SLC39A11: variants seen among roughly 807,000 people sequenced by gnomAD.
The protein encoded by SLC39A11 is solute carrier family 39 member 11.
SLC39A11 carries 33 observed loss-of-function variants against 36.1 expected under a neutral mutation model. The observed-to-expected ratio is 0.91, with a 90% CI of 0.69 to 1.22. The LOEUF (loss-of-function observed/expected upper bound fraction) is 1.22, where lower values mean the gene tolerates loss of function less well. Among genes scored for constraint, SLC39A11 ranks in the 50% most tolerant of loss-of-function variants. The pLI, the probability that SLC39A11 is intolerant of heterozygous loss-of-function variation, is 0.00. For missense variants in SLC39A11, 432 were observed against 430.3 expected (o/e 1.00, Z -0.03); for synonymous variants, 166 against 170.3 (o/e 0.97, Z 0.20).
chr17:72,951,799 G>A (rs2085882681), intron 4 of SLC39A11, among the ~76,000 whole-genome samples: 1 of 152,138 alleles, frequency 6.6e-6, no homozygotes, highest in Non-Finnish European at 1.5e-5. Flanking sequence ...TTCCTTTAGG[G>A]AAGATGCCAA....
intron 5 of SLC39A11, among the ~76,000 whole-genome samples, chr17:72,922,078 A>G (rs541581917): frequency 6.6e-6 from 1 of 152,286 alleles, no homozygotes; most frequent in East Asian, 1.9e-4. Flanking sequence ...ACACCAGCAC[A>G]CCACCTCCCA....
At chr17:72,943,300 A>T (rs1219549995) in intron 5 of SLC39A11, among the ~76,000 whole-genome samples, 1 of 152,220 alleles carries the variant, frequency 6.6e-6, no homozygotes, top group African/African-American at 2.4e-5. Context: ...AGCAGAACCA[A>T]TAAGGAATTC....
intron 5 of SLC39A11, among the ~76,000 whole-genome samples, chr17:72,884,008 A>C (rs894542562): frequency 2.0e-5 from 3 of 152,170 alleles, no homozygotes; most frequent in Non-Finnish European, 4.4e-5. Flanking sequence ...TACAAAAGTT[A>C]GCTAGGTATA....
intron 6 of SLC39A11, among the ~76,000 whole-genome samples, chr17:72,842,641 C>T (rs1363358388): frequency 6.6e-6 from 1 of 152,164 alleles, no homozygotes; most frequent in Non-Finnish European, 1.5e-5. Context: ...CTTCAAGAGA[C>T]AGTATGCTCA....
At chr17:72,979,711 C>A (rs536425005) in intron 4 of SLC39A11, among the ~76,000 whole-genome samples, 4 of 152,146 alleles carry the variant, frequency 2.6e-5, no homozygotes, top group Non-Finnish European at 5.9e-5. Context: ...ACTAACCCAC[C>A]TCCCTCCAAC....
intron 7 of SLC39A11, among the ~76,000 whole-genome samples, chr17:72,672,211 G>A (rs900039911): frequency 6.6e-6 from 1 of 152,246 alleles, no homozygotes; most frequent in African/African-American, 2.4e-5. Flanking sequence ...CACTCTGGGA[G>A]GCTGAGGTGG....
chr17:72,663,331 T>A (rs2070563148), intron 7 of SLC39A11, among the ~76,000 whole-genome samples: 1 of 152,212 alleles, frequency 6.6e-6, no homozygotes, highest in South Asian at 2.1e-4. Flanking sequence ...ATTACCTTTT[T>A]AAAAAGATAT....
chr17:72,662,628 GAAGA>G (rs1555630763), intron 7 of SLC39A11, among the ~76,000 whole-genome samples: 3 of 122,814 alleles, frequency 2.4e-5, no homozygotes, highest in Non-Finnish European at 3.3e-5. Flanking sequence ...AGAAGAAAGA[GAAGA>G]AAGAGAGAAA....
chr17:72,741,529 G>A (rs958279843), intron 6 of SLC39A11, among the ~76,000 whole-genome samples: 1 of 152,206 alleles, frequency 6.6e-6, no homozygotes, highest in African/African-American at 2.4e-5. Flanking sequence ...ATAGCCCAGT[G>A]TCTAGCATAC....
intron 3 of SLC39A11, among the ~76,000 whole-genome samples, chr17:73,077,786 G>T (rs925139408): frequency 2.6e-5 from 4 of 151,992 alleles, no homozygotes; most frequent in Admixed American, 6.6e-5. Context: ...TTTTTTTTAA[G>T]GAAATTACAT....
chr17:73,041,047 G>A (rs66529051), intron 3 of SLC39A11, among the ~76,000 whole-genome samples: 7,074 of 149,912 alleles, frequency 0.047, 306 homozygotes, highest in African/African-American at 0.098. Flanking sequence ...CACTTACTCA[G>A]TATATCCAAT....
At chr17:72,933,484 G>A (rs763627106) in intron 5 of SLC39A11, among the ~76,000 whole-genome samples, 5 of 152,084 alleles carry the variant, frequency 3.3e-5, no homozygotes, top group Non-Finnish European at 5.9e-5. Flanking sequence ...CCTCCAAATT[G>A]GTTTATGGAT....
intron 5 of SLC39A11, among the ~76,000 whole-genome samples, chr17:72,863,514 G>T (rs2080145915): frequency 6.6e-6 from 1 of 152,050 alleles, no homozygotes; most frequent in Non-Finnish European, 1.5e-5. Context: ...ATGTGAGCAG[G>T]AACCCAATAT....
chr17:73,086,776 T>C lies in SLC39A11; in HGVS notation c.108+1881A>G, dbSNP rs142637530. On this transcript the variant is annotated intron_variant, in intron 2 of 9. Coordinates refer to ENST00000255559, the MANE Select transcript of SLC39A11 (RefSeq NM_139177.4). ...TGGAGGTTGCAGTGAGCTGAGATCA[T>C]GCCACTGAACCCCAGCCTGGGTGAC... 4.1e-3 allele frequency among the ~76,000 whole-genome samples: 631 copies of C among 152,120 alleles called. 5 individuals are homozygous for C. The highest frequency in any genetic ancestry group is 0.013 in the African/African-American group (554 of 41,488).
intron 6 of SLC39A11, among the ~76,000 whole-genome samples, chr17:72,766,144 A>T (rs1285089524): frequency 1.3e-5 from 2 of 152,134 alleles, no homozygotes; most frequent in Non-Finnish European, 2.9e-5. Context: ...GCTCTAGACC[A>T]GGGAGGGTGA....
intron 7 of SLC39A11, among the ~76,000 whole-genome samples, chr17:72,699,188 T>C (rs996343081): frequency 1.3e-5 from 2 of 152,164 alleles, no homozygotes; most frequent in African/African-American, 4.8e-5. Flanking sequence ...TCCAATCTTT[T>C]GGCTTCCCTG....
chr17:72,896,453 C>CA (rs1482520898), intron 5 of SLC39A11, among the ~76,000 whole-genome samples: 7 of 151,930 alleles, frequency 4.6e-5, no homozygotes, highest in Admixed American at 4.6e-4. Context: ...CTGCCCGCCT[C>CA]AGCCTCCGAA....
chr17:72,861,327 A>C (rs1181520193), intron 5 of SLC39A11, among the ~76,000 whole-genome samples: 1 of 152,160 alleles, frequency 6.6e-6, no homozygotes, highest in Non-Finnish European at 1.5e-5. Context: ...GAGATTTTCC[A>C]TCAATAAAAG....
chr17:72,662,269 T>TAGAAAGAAAAGAAAGGA (rs2070460126), intron 7 of SLC39A11, among the ~76,000 whole-genome samples: 3 of 146,406 alleles, frequency 2.0e-5, no homozygotes, highest in Middle Eastern at 6.9e-3. Flanking sequence ...GGCCTTTTTT[T>TAGAAAGAAAAGAAAGGA]AGAAAGAAAA....
Sources: allele counts gnomAD v4.1 joint callset (sites outside exome capture counted in the v4.1 genomes callset), GRCh38; gene constraint gnomAD v4.1.1; transcripts MANE v1.5; gene names NCBI Gene and HGNC (gene_info 2026-07-23, HGNC 2026-07-21).